The following LIPH variants were observed in gnomAD, a reference collection of about 807,000 sequenced individuals.
LIPH encodes lipase H, also known as lipase member H.
Under a neutral mutation model 47.6 loss-of-function variants are expected in LIPH, and 32 were observed. The ratio of observed to expected loss-of-function variants is 0.67; its 90% CI spans 0.51 to 0.90. The LOEUF (loss-of-function observed/expected upper bound fraction) is 0.90, where lower values mean the gene tolerates loss of function less well. Among genes scored for constraint, LIPH ranks in the 40% least tolerant of loss-of-function variants. The pLI is 0.00. For missense variants in LIPH, 497 were observed against 541.4 expected (o/e 0.92, Z 0.81); for synonymous variants, 190 against 195.6 (o/e 0.97, Z 0.24).
At chr3:185,513,438 G>A (rs899034272) in intron 8 of LIPH, among the ~76,000 whole-genome samples, 3 of 152,080 alleles carry the variant, frequency 2.0e-5, no homozygotes, top group African/African-American at 7.2e-5. Flanking sequence ...AACAAATATT[G>A]GTGAGGATGT....
rs554839674 is a variant in LIPH at position 185,508,747 on chromosome 3, T to A, written c.*43A>T. 7.4e-7 allele frequency: 1 copy of A among 1,358,904 alleles called. No homozygotes were observed. The highest frequency in any genetic ancestry group is 1.1e-6 in the Non-Finnish European group (1 of 947,346). 84.2% of individuals were successfully genotyped at this position (1,358,904 alleles called of 1,614,324 possible). A position where few individuals can be genotyped will look rare whatever the true frequency, so the allele number is the denominator to read the frequency against. On this transcript the variant is annotated 3_prime_UTR_variant, in exon 10 of 10. Coordinates refer to ENST00000296252, the MANE Select transcript of LIPH (RefSeq NM_139248.3). ...GAAGCTTTCAAACAGCCTGTGGTTG[T>A]AGCTTTCTTTCTATTATTTATGGCC...
intron 4 of LIPH, among the ~76,000 whole-genome samples, chr3:185,525,628 G>C (rs1720047238): frequency 6.6e-6 from 1 of 152,036 alleles, no homozygotes. Flanking sequence ...TGAAAAAAAA[G>C]GAAGCTCAGA....
intron 1 of LIPH, among the ~76,000 whole-genome samples, chr3:185,549,140 A>AAAAAG (rs57575880): frequency 0.036 from 5,394 of 151,804 alleles, 207 homozygotes; most frequent in East Asian, 0.23. Flanking sequence ...AAAAAAAAAA[A>AAAAAG]AAAAGAAAAT....
At chr3:185,540,936 A>G (rs114713199) in intron 1 of LIPH, among the ~76,000 whole-genome samples, 2,192 of 152,218 alleles carry the variant, frequency 0.014, 63 homozygotes, top group African/African-American at 0.051. Context: ...GACTTCTGCC[A>G]TGTGTTCTGC....
At chr3:185,518,790 C>T (rs1719810429) in intron 6 of LIPH, among the ~76,000 whole-genome samples, 1 of 151,980 alleles carries the variant, frequency 6.6e-6, no homozygotes. Flanking sequence ...GGCATGATCT[C>T]AGTTGACTGC....
rs754317444 is a variant in LIPH at position 185,534,826 on chromosome 3, T to C, written c.356A>G (p.His119Arg). 9.3e-6 allele frequency: 15 copies of C among 1,613,322 alleles called. No homozygotes were observed. In the Middle Eastern group the frequency reaches 6.6e-4, roughly 71 times the overall value. The change falls in exon 2 of 10, where the codon CAT becomes CGT. Residue 119 changes from histidine (H) to arginine (R), a missense_variant. Coordinates refer to ENST00000296252, the MANE Select transcript of LIPH (RefSeq NM_139248.3). ...NRGATTLIYTHASSKTRKVAM... is the reference protein window; with the variant it reads ...NRGATTLIYTRASSKTRKVAM... ...TACTTTTCTGGTCTTACTAGAGGCA[T>C]GGGTATATATTAAAGTTGTAGCTCC...
chr3:185,546,625 C>G (rs1342241087), intron 1 of LIPH, among the ~76,000 whole-genome samples: 1 of 152,126 alleles, frequency 6.6e-6, no homozygotes, highest in Admixed American at 6.6e-5. Flanking sequence ...TAAGGTGAGA[C>G]CCTGTCTCTA....
intron 1 of LIPH, among the ~76,000 whole-genome samples, chr3:185,537,188 C>A (rs1342442898): frequency 6.6e-6 from 1 of 152,050 alleles, no homozygotes; most frequent in Admixed American, 6.6e-5. Context: ...CCCAGCCAAG[C>A]CTGCCATTTT....
chr3:185,516,898 G>T (rs568390379), intron 7 of LIPH, among the ~76,000 whole-genome samples, 169 bp downstream of exon 7: 3 of 152,302 alleles, frequency 2.0e-5, no homozygotes, highest in South Asian at 4.1e-4. Context: ...CTTCACCAAG[G>T]TCCCACAGCT....
At chr3:185,509,946 CT>C (rs66966684) in intron 9 of LIPH, among the ~76,000 whole-genome samples, 55,244 of 117,978 alleles carry the variant, frequency 0.47, 9,427 homozygotes, top group South Asian at 0.62. Flanking sequence ...TTTTTGTTTT[CT>C]TTTTTTTTTT....
In LIPH at chr3:185,508,563, C is replaced by T. The variant is rs1177343786; in HGVS notation, c.*227G>A. 6 of 553,584 alleles carry T rather than the reference C, an allele frequency of 1.1e-5. No homozygotes were observed. The highest frequency in any genetic ancestry group is 2.0e-5 in the South Asian group (1 of 49,532). The allele number at this position is 553,584 out of a possible 1,614,324, so 34.3% of individuals were successfully genotyped here. Reference sequence around the variant, plus strand: ...CAGCAGACACAGCGCTGCGCTGCTGCGAGCCTGGCTATTTCTGACTTGCCC... The same window carrying T: ...CAGCAGACACAGCGCTGCGCTGCTGTGAGCCTGGCTATTTCTGACTTGCCC... On this transcript the variant is annotated 3_prime_UTR_variant, in exon 10 of 10. Coordinates refer to ENST00000296252, the MANE Select transcript of LIPH (RefSeq NM_139248.3).
intron 2 of LIPH, 75 bp from the exon 3 acceptor site, chr3:185,533,754 G>T: frequency 1.0e-6 from 1 of 971,622 alleles, no homozygotes; most frequent in Non-Finnish European, 1.7e-6. Flanking sequence ...TTTCCTGGCT[G>T]TTGACTTTGG....
rs376902950 is a variant in LIPH at position 185,533,561 on chromosome 3, A to G, written c.526+10T>C. On this transcript the variant is annotated intron_variant, in intron 3 of 9. Coordinates refer to ENST00000296252, the MANE Select transcript of LIPH (RefSeq NM_139248.3). ...AGGCTACCAACCCATGCCCATTCAC[A>G]GGCACTTACCTGTAATTCTCCCCAG... 3.2e-6 allele frequency: 5 copies of G among 1,582,112 alleles called. No homozygotes were observed. Among genetic ancestry groups the G allele is most frequent in the Non-Finnish European group, 4.3e-6 (5 of 1,150,820 alleles).
Position 185,523,140 on chromosome 3 carries a change from C to A in LIPH, c.718+931G>T, listed in dbSNP as rs557513350. The stretch of plus-strand genomic sequence containing the variant: ...ATTATTATAAATAATGTATGTTGAA[C>A]ATCTTTGCACTCTAATTCTTGTCTG... On this transcript the variant is annotated intron_variant, in intron 5 of 9. Transcript: ENST00000296252. 9.9e-5 allele frequency among the ~76,000 whole-genome samples: 15 copies of A among 152,210 alleles called. No individual in the cohort carries two copies. In the South Asian group the frequency reaches 2.5e-3, roughly 25 times the overall value.
Position 185,519,153 on chromosome 3 carries a change from C to T in LIPH, c.875G>A (p.Cys292Tyr). ...VSCGTSQKES[C>Y]PLLGYYADNW... ...CTGGTTAGACTTACCCAGAAGGGGA[C>T]AGGACTCTTTTTGTGACGTGCCGCA... The change falls in exon 6 of 10, where the codon TGT (cysteine) becomes TAT (tyrosine). Residue 292 changes from cysteine (C) to tyrosine (Y), a missense_variant. Coordinates refer to ENST00000296252, the MANE Select transcript of LIPH (RefSeq NM_139248.3). 6.2e-7 allele frequency: 1 copy of T among 1,614,024 alleles called. No individual in the cohort carries two copies. The highest frequency in any genetic ancestry group is 8.5e-7 in the Non-Finnish European group (1 of 1,179,892).
chr3:185,519,279 C>T lies in LIPH; in HGVS notation c.749G>A (p.Arg250Lys), dbSNP rs762143873. 2 of 1,613,384 alleles carry T rather than the reference C, an allele frequency of 1.2e-6. No individual in the cohort carries two copies. Among genetic ancestry groups the T allele is most frequent in the East Asian group, 2.2e-5 (1 of 44,868 alleles). ...GFQYFKCDHQ[R>K]SVYLYLSSLR... Reference sequence around the variant, plus strand: ...GGAAGACAGGTACAGGTATACAGACCTCTGGTGGTCACATTTAAAATACTG... The same window carrying T: ...GGAAGACAGGTACAGGTATACAGACTTCTGGTGGTCACATTTAAAATACTG... Residue 250 changes from arginine (R) to lysine (K), a missense_variant, in exon 6 of 10, where the codon AGG (arginine) becomes AAG (lysine). By Grantham distance (26) the Arg-to-Lys change is conservative (BLOSUM62 2). Coordinates refer to ENST00000296252, the MANE Select transcript of LIPH (RefSeq NM_139248.3).
At chr3:185,543,947 T>C (rs1409399349) in intron 1 of LIPH, among the ~76,000 whole-genome samples, 3 of 150,894 alleles carry the variant, frequency 2.0e-5, no homozygotes, top group South Asian at 4.2e-4. Flanking sequence ...ACCTCCCGGG[T>C]TCAAGTGATT....
Position 185,506,383 on chromosome 3 carries a change from A to G in LIPH, c.*2407T>C, listed in dbSNP as rs997772085. The G allele has an allele frequency of 6.6e-6, 1 of 152,192 alleles. No individual in the cohort carries two copies. Among genetic ancestry groups the G allele is most frequent in the Non-Finnish European group, 1.5e-5 (1 of 68,042 alleles). 9.4% of individuals were successfully genotyped at this position (152,192 alleles called of 1,614,324 possible). On this transcript the variant is annotated 3_prime_UTR_variant, in exon 10 of 10. Transcript: ENST00000296252. ...ATTCATTCACCCATCTACCCATCCT[A>G]CAGTGAGCCAGGTACTGAGAGCTAG... is the stretch of plus-strand genomic sequence containing the variant.
chr3:185,541,436 A>C (rs1720708874), intron 1 of LIPH, among the ~76,000 whole-genome samples: 1 of 139,714 alleles, frequency 7.2e-6, no homozygotes, highest in South Asian at 2.2e-4. Context: ...ACAGGGTCTC[A>C]CTCTGTCACC....
Sources: gnomAD v4.1 joint callset for allele counts (sites outside exome capture counted in the v4.1 genomes callset) on GRCh38, gnomAD v4.1.1 for gene constraint, MANE v1.5 for transcripts, NCBI Gene and HGNC (gene_info 2026-07-23, HGNC 2026-07-21) for gene names.